The following DLGAP1 variants were observed in gnomAD, a reference collection of about 807,000 sequenced individuals.
The protein encoded by DLGAP1 is DLG associated protein 1.
Under a neutral mutation model 90.8 loss-of-function variants are expected in DLGAP1, and 11 were observed. The observed-to-expected ratio is 0.12, with a 90% CI of 0.08 to 0.20. The LOEUF (loss-of-function observed/expected upper bound fraction) is 0.20, where lower values mean the gene tolerates loss of function less well. DLGAP1 is among the 10% of genes least tolerant of loss of function. The pLI is 1.00. For synonymous variants in DLGAP1, 558 were observed against 540.7 expected, an observed-to-expected ratio of 1.03 and a Z score of -0.44; for missense variants, 1,050 against 1,333.8, an observed-to-expected ratio of 0.79 and a Z score of 3.31.
At chr18:4,250,372 A>C (rs769397380) in intron 1 of DLGAP1, among the ~76,000 whole-genome samples, 10 of 152,228 alleles carry the variant, frequency 6.6e-5, no homozygotes, top group Non-Finnish European at 1.0e-4. Context: ...CTCCTTGAGT[A>C]GTTAACAGGA....
At chr18:4,126,094 T>C (rs1437502585) in intron 2 of DLGAP1, among the ~76,000 whole-genome samples, 1 of 152,172 alleles carries the variant, frequency 6.6e-6, no homozygotes, top group African/African-American at 2.4e-5. Context: ...GCTTGCAATT[T>C]GAAGCACCTG....
At chr18:4,121,033 G>A (rs1398683287) in intron 2 of DLGAP1, among the ~76,000 whole-genome samples, 1 of 152,156 alleles carries the variant, frequency 6.6e-6, no homozygotes, top group Non-Finnish European at 1.5e-5. Flanking sequence ...ATGAGTTCTG[G>A]TTATGGTGGC....
chr18:4,076,910 C>T (rs1196406812), intron 2 of DLGAP1, among the ~76,000 whole-genome samples: 1 of 152,170 alleles, frequency 6.6e-6, no homozygotes, highest in African/African-American at 2.4e-5. Flanking sequence ...CAGGCGTAAA[C>T]CACGGTGCCT....
chr18:3,969,006 A>T (rs2073389317), intron 3 of DLGAP1, among the ~76,000 whole-genome samples: 1 of 152,172 alleles, frequency 6.6e-6, no homozygotes, highest in Admixed American at 6.5e-5. Context: ...GACCAGCGAG[A>T]CAACAAAGGA....
At chr18:3,620,257 G>A (rs1178196948) in intron 7 of DLGAP1, among the ~76,000 whole-genome samples, 1 of 152,076 alleles carries the variant, frequency 6.6e-6, no homozygotes, top group African/African-American at 2.4e-5. Context: ...GAGGAGCAGA[G>A]GGGTTGAAGA....
intron 5 of DLGAP1, among the ~76,000 whole-genome samples, chr18:3,760,415 G>A (rs962126760): frequency 8.5e-5 from 13 of 152,278 alleles, no homozygotes; most frequent in Admixed American, 7.8e-4. Flanking sequence ...AGGCCCAGGG[G>A]AATTAGTTTC....
intron 1 of DLGAP1, among the ~76,000 whole-genome samples, chr18:4,422,218 T>C (rs1476093227): frequency 6.6e-6 from 1 of 151,610 alleles, no homozygotes; most frequent in African/African-American, 2.4e-5. Flanking sequence ...TATAAAAATA[T>C]ATGTACGCAC....
intron 1 of DLGAP1, among the ~76,000 whole-genome samples, chr18:4,449,289 T>A (rs547862592): frequency 9.2e-4 from 140 of 152,290 alleles, no homozygotes; most frequent in African/African-American, 3.3e-3. Context: ...CTTTTTAAAA[T>A]CCTTATTGTA....
intron 5 of DLGAP1, among the ~76,000 whole-genome samples, chr18:3,748,909 A>C (rs561244300): frequency 6.6e-6 from 1 of 152,306 alleles, no homozygotes; most frequent in East Asian, 1.9e-4. Context: ...CTTTCATTAA[A>C]GTTGTTTACT....
intron 9 of DLGAP1, among the ~76,000 whole-genome samples, chr18:3,543,166 ATT>A (rs76751283): frequency 6.2e-5 from 4 of 64,122 alleles, no homozygotes; most frequent in Admixed American, 1.9e-4. Flanking sequence ...CATGACTCCA[ATT>A]TTTTTTTTTT....
chr18:3,503,781 T>G (rs1384395489), intron 11 of DLGAP1, among the ~76,000 whole-genome samples: 1 of 152,226 alleles, frequency 6.6e-6, no homozygotes, highest in Non-Finnish European at 1.5e-5. Flanking sequence ...TGCACCAGTA[T>G]TATTGGCCTA....
At chr18:3,900,719 T>C (rs2071763535) in intron 3 of DLGAP1, among the ~76,000 whole-genome samples, 2 of 152,140 alleles carry the variant, frequency 1.3e-5, no homozygotes, top group African/African-American at 4.8e-5. Context: ...TAGATTGGGT[T>C]GGTTAGAGGA....
chr18:4,357,157 C>CTTTTTTTTTTTTTTTTT, intron 1 of DLGAP1, among the ~76,000 whole-genome samples: 1 of 108,744 alleles, frequency 9.2e-6, no homozygotes, highest in Non-Finnish European at 1.7e-5. Context: ...TGTTTTTTTC[C>CTTTTTTTTTTTTTTTTT]TTTTTTTTTT....
intron 7 of DLGAP1, among the ~76,000 whole-genome samples, chr18:3,629,858 A>G (rs972209559): frequency 1.3e-5 from 2 of 152,140 alleles, no homozygotes; most frequent in African/African-American, 2.4e-5. Flanking sequence ...GCAAAGTTTG[A>G]ACACAATAGG....
intron 1 of DLGAP1, among the ~76,000 whole-genome samples, chr18:4,339,163 A>C (rs1341823104): frequency 2.0e-5 from 3 of 152,234 alleles, no homozygotes; most frequent in Non-Finnish European, 2.9e-5. Context: ...GAGTTAAGTC[A>C]GGACCAAGTT....
At chr18:3,817,075 T>C (rs575615440) in intron 4 of DLGAP1, among the ~76,000 whole-genome samples, 19 of 151,504 alleles carry the variant, frequency 1.3e-4, no homozygotes, top group African/African-American at 4.6e-4. Context: ...AGAGCCTCAT[T>C]ATAGGTTTAG....
At chr18:3,846,494 C>T (rs1339543657) in intron 4 of DLGAP1, among the ~76,000 whole-genome samples, 2 of 152,146 alleles carry the variant, frequency 1.3e-5, no homozygotes, top group Non-Finnish European at 2.9e-5. Flanking sequence ...AACACTTGTA[C>T]ACAAATGTTC....
intron 2 of DLGAP1, among the ~76,000 whole-genome samples, chr18:4,035,675 T>TA (rs1324641566): frequency 2.0e-5 from 3 of 152,176 alleles, no homozygotes; most frequent in African/African-American, 7.2e-5. Context: ...AATTGCCACT[T>TA]ACGCACTTAA....
At chr18:4,211,967 A>G (rs2077850243) in intron 1 of DLGAP1, among the ~76,000 whole-genome samples, 1 of 152,148 alleles carries the variant, frequency 6.6e-6, no homozygotes, top group African/African-American at 2.4e-5. Flanking sequence ...CAGTCCCAAG[A>G]AACTTTTTAA....
Sources: allele counts gnomAD v4.1 joint callset (sites outside exome capture counted in the v4.1 genomes callset), GRCh38; gene constraint gnomAD v4.1.1; transcripts MANE v1.5; gene names NCBI Gene and HGNC (gene_info 2026-07-23, HGNC 2026-07-21).